The following MMP15 variants were observed in gnomAD, a reference collection of about 807,000 sequenced individuals.
MMP15 encodes the protein matrix metalloproteinase-15.
In MMP15, 36 loss-of-function variants were observed where a neutral mutation model predicts 65.0. That is an observed-to-expected ratio of 0.55 (90% confidence interval 0.42 to 0.73). The LOEUF (loss-of-function observed/expected upper bound fraction) is 0.73, where lower values mean the gene tolerates loss of function less well. MMP15 is among the 30% of genes least tolerant of loss of function. The pLI is 0.00. For synonymous variants in MMP15, 428 were observed against 410.2 expected (o/e 1.04, Z -0.52); for missense variants, 870 against 987.8 (o/e 0.88, Z 1.60).
At chr16:58,039,344 C>T (rs933258732) in intron 3 of MMP15, among the ~76,000 whole-genome samples, 4 of 152,224 alleles carry the variant, frequency 2.6e-5, no homozygotes, top group East Asian at 1.9e-4. Flanking sequence ...AGGCAGGAGA[C>T]TCACTTGAAC....
Position 58,037,603 on chromosome 16 carries a change from C to A in MMP15, c.294C>A (p.Leu98=). The A allele has an allele frequency of 6.2e-7, 1 of 1,614,142 alleles. No individual in the cohort carries two copies. Among genetic ancestry groups the A allele is most frequent in the Non-Finnish European group, 8.5e-7 (1 of 1,180,028 alleles). Residue 98 remains leucine, a synonymous_variant, in exon 2 of 10, where the codon CTC becomes CTA. Coordinates refer to ENST00000219271, the MANE Select transcript of MMP15 (RefSeq NM_002428.4). ...RFYGIPVTGV[L]DEETKEWMKR... ...ACGGGATCCCAGTCACCGGTGTGCT[C>A]GACGAAGAGACCAAGGAGTGAGTTC... is the stretch of plus-strand genomic sequence containing the variant.
intron 3 of MMP15, among the ~76,000 whole-genome samples, chr16:58,039,542 C>T (rs907701095): frequency 3.3e-5 from 5 of 152,246 alleles, no homozygotes; most frequent in Non-Finnish European, 7.3e-5. Context: ...TGGAGCTCAA[C>T]ATTGAGAACT....
chr16:58,042,014 G>T (rs1959468222), intron 6 of MMP15, 144 bp downstream of exon 6: 4 of 1,181,270 alleles, frequency 3.4e-6, no homozygotes, highest in South Asian at 3.2e-5. Context: ...GAGGTTGAGG[G>T]ACTTGCCCAG....
intron 1 of MMP15, among the ~76,000 whole-genome samples, chr16:58,029,775 A>G (rs566672610): frequency 1.3e-5 from 2 of 152,212 alleles, no homozygotes; most frequent in South Asian, 4.2e-4. Flanking sequence ...ATATCCATGA[A>G]TGTGGAGAGG....
At chr16:58,027,722 C>A (rs1963842571) in intron 1 of MMP15, among the ~76,000 whole-genome samples, 1 of 152,216 alleles carries the variant, frequency 6.6e-6, no homozygotes, top group African/African-American at 2.4e-5. Context: ...GGAATTCCTC[C>A]TGGGCTCGAG....
At chr16:58,038,793 A>G (rs1039250372) in intron 3 of MMP15, among the ~76,000 whole-genome samples, 1 of 151,510 alleles carries the variant, frequency 6.6e-6, no homozygotes, top group Non-Finnish European at 1.5e-5. Context: ...GAGCAAGAAA[A>G]CCCTCCAGCC....
Position 58,043,265 on chromosome 16 carries a change from G to T in MMP15, c.1359G>T (p.Pro453=). 1 of 1,601,772 alleles carries T rather than the reference G, an allele frequency of 6.2e-7. No individual in the cohort carries two copies. Among genetic ancestry groups the T allele is most frequent in the African/African-American group, 1.3e-5 (1 of 74,802 alleles). ...EANLEPGYPQ[P]LTSYGLGIPY... Reference sequence around the variant, plus strand: ...ACCTGGAGCCCGGCTACCCACAGCCGCTGACCAGCTATGGCCTGGGCATCC... The same window carrying T: ...ACCTGGAGCCCGGCTACCCACAGCCTCTGACCAGCTATGGCCTGGGCATCC... Residue 453 remains proline, a synonymous_variant, in exon 8 of 10, where the codon CCG becomes CCT. Transcript: ENST00000219271.
In MMP15 at chr16:58,041,687, T is replaced by C; in HGVS notation, c.981T>C (p.Pro327=). The C allele has an allele frequency of 6.3e-7, 1 of 1,578,760 alleles. No homozygotes were observed. The highest frequency in any genetic ancestry group is 8.6e-7 in the Non-Finnish European group (1 of 1,162,674). Residue 327 remains proline, a synonymous_variant, in exon 6 of 10, where the codon CCT becomes CCC. Transcript: ENST00000219271. ...PTVTPRRPGR[P]DHRPPRPPQP... ...TGACGCCACGGCGGCCAGGCCGGCCTGACCACCGGCCGCCCCGGCCTCCCC... is the reference window on the plus strand; with the variant it reads ...TGACGCCACGGCGGCCAGGCCGGCCCGACCACCGGCCGCCCCGGCCTCCCC...
chr16:58,044,349 C>A (rs554348666), intron 9 of MMP15, among the ~76,000 whole-genome samples: 63 of 152,250 alleles, frequency 4.1e-4, no homozygotes, highest in African/African-American at 1.5e-3. Context: ...TAGGAGGCTG[C>A]GGTCGGAGGA....
chr16:58,043,052 G>A (rs1256060807), intron 7 of MMP15, among the ~76,000 whole-genome samples, 158 bp from the exon 8 acceptor site: 1 of 152,112 alleles, frequency 6.6e-6, no homozygotes, highest in Non-Finnish European at 1.5e-5. Context: ...AGGTATCCAT[G>A]AGTGCAGCAT....
Position 58,041,948 on chromosome 16 carries a change from C to T in MMP15, c.1164+78C>T, listed in dbSNP as rs555538707. The T allele has an allele frequency of 4.8e-5, 70 of 1,465,650 alleles. No homozygotes were observed. The African/African-American group carries it at 6.8e-4, about 14-fold the overall frequency. The allele number at this position is 1,465,650 out of a possible 1,614,324, so 90.8% of individuals were successfully genotyped here. ...GGCCCCCTGTCCCACCCTCACTCAG[C>T]AGGCCCCGGGGAGCCATTAAGCCCT... On this transcript the variant is annotated intron_variant, in intron 6 of 9. Coordinates refer to ENST00000219271, the MANE Select transcript of MMP15 (RefSeq NM_002428.4).
chr16:58,033,016 G>A (rs1222700393), intron 1 of MMP15, among the ~76,000 whole-genome samples: 2 of 88,960 alleles, frequency 2.2e-5, no homozygotes, highest in African/African-American at 3.0e-5. Flanking sequence ...TGGAAGGGCC[G>A]GCTGGGGCGG....
At chr16:58,038,974 G>A (rs571287213) in intron 3 of MMP15, among the ~76,000 whole-genome samples, 1 of 152,280 alleles carries the variant, frequency 6.6e-6, no homozygotes, top group East Asian at 1.9e-4. Flanking sequence ...ATTCCCTTCA[G>A]GTTTAATGTC....
At position 58,026,378 on chromosome 16, in the gene MMP15, C is replaced by A; in HGVS notation, c.28C>A (p.Arg10=). ...GGGCAGCGACCCGAGCGCGCCCGGA[C>A]GGCCGGGCTGGACGGGCAGCCTCCT... The part of the protein sequence containing the change: MGSDPSAPG[R]PGWTGSLLGD... The change falls in exon 1 of 10, where the codon CGG becomes AGG. Residue 10 remains arginine (R), a synonymous_variant. Transcript: ENST00000219271. The A allele has an allele frequency of 1.4e-6, 2 of 1,379,442 alleles. No homozygotes were observed. Among genetic ancestry groups the A allele is most frequent in the South Asian group, 1.7e-5 (1 of 60,086 alleles). 85.5% of individuals were successfully genotyped at this position (1,379,442 alleles called of 1,614,324 possible).
intron 1 of MMP15, among the ~76,000 whole-genome samples, chr16:58,027,095 T>G (rs1340893973): frequency 6.6e-6 from 1 of 152,224 alleles, no homozygotes; most frequent in East Asian, 1.9e-4. Context: ...GGGGGCGCTT[T>G]GGCGACTTTC....
chr16:58,027,461 C>T (rs768755309), intron 1 of MMP15, among the ~76,000 whole-genome samples: 11 of 152,222 alleles, frequency 7.2e-5, no homozygotes, highest in African/African-American at 2.2e-4. Context: ...CCCAGATAGG[C>T]GGGGAGAGGA....
intron 1 of MMP15, among the ~76,000 whole-genome samples, chr16:58,036,434 C>T (rs1291541833): frequency 6.6e-6 from 1 of 152,184 alleles, no homozygotes; most frequent in African/African-American, 2.4e-5. Context: ...GCCTAGTCCT[C>T]CCATGGCCCC....
chr16:58,033,490 G>T (rs1005328516), intron 1 of MMP15, among the ~76,000 whole-genome samples: 1 of 152,234 alleles, frequency 6.6e-6, no homozygotes, highest in Non-Finnish European at 1.5e-5. Flanking sequence ...AGGTGCTGCG[G>T]TTATGACCTC....
chr16:58,038,136 A>C, intron 2 of MMP15, 130 bp from the exon 3 acceptor site: 8 of 1,235,560 alleles, frequency 6.5e-6, no homozygotes, highest in Non-Finnish European at 9.0e-6. Flanking sequence ...TGAAGCTGAG[A>C]GTCCCCCATC....
Sources: allele counts gnomAD v4.1 joint callset (sites outside exome capture counted in the v4.1 genomes callset), GRCh38; gene constraint gnomAD v4.1.1; transcripts MANE v1.5; gene names NCBI Gene and HGNC (gene_info 2026-07-23, HGNC 2026-07-21).